CFAP299: variants seen among roughly 807,000 people sequenced by gnomAD.
CFAP299 encodes the protein cilia- and flagella-associated protein 299.
In CFAP299, 21 loss-of-function variants were observed where a neutral mutation model predicts 27.0. The observed-to-expected ratio is 0.78, with a 90% confidence interval of 0.55 to 1.12. CFAP299 has a LOEUF of 1.12. Among genes scored for constraint, CFAP299 ranks in the 50% most tolerant of loss-of-function variants. The probability of loss-of-function intolerance (pLI) is 0.00; values close to 1 mark genes in which losing one functional copy is unlikely to be tolerated. For missense variants in CFAP299, 310 were observed against 276.6 expected (o/e 1.12, Z -0.86); for synonymous variants, 104 against 98.1 (o/e 1.06, Z -0.36).
At chr4:80,891,346 G>A (rs922468272) in intron 4 of CFAP299, among the ~76,000 whole-genome samples, 8 of 151,554 alleles carry the variant, frequency 5.3e-5, no homozygotes, top group Non-Finnish European at 1.0e-4. Flanking sequence ...GTTTTTCTCA[G>A]GTTTGTCAAA....
intron 3 of CFAP299, among the ~76,000 whole-genome samples, chr4:80,670,503 C>G (rs1741413579): frequency 6.6e-6 from 1 of 152,128 alleles, no homozygotes; most frequent in Admixed American, 6.6e-5. Context: ...GGTATATACC[C>G]CGTAATGGGA....
intron 3 of CFAP299, among the ~76,000 whole-genome samples, chr4:80,681,330 G>A (rs923199581): frequency 6.6e-6 from 1 of 152,000 alleles, no homozygotes; most frequent in South Asian, 2.1e-4. Context: ...TGATGATGTG[G>A]AAGTTTAACG....
intron 2 of CFAP299, among the ~76,000 whole-genome samples, chr4:80,504,506 T>TATATATATATATATATATATA (rs57743936): frequency 7.9e-6 from 1 of 126,336 alleles, no homozygotes; most frequent in Non-Finnish European, 1.7e-5. Context: ...TATATATATA[T>TATATATATATATATATATATA]TTTCCTTTGA....
At chr4:80,573,590 T>A (rs1735702307) in intron 2 of CFAP299, among the ~76,000 whole-genome samples, 1 of 152,160 alleles carries the variant, frequency 6.6e-6, no homozygotes, top group African/African-American at 2.4e-5. Flanking sequence ...AGTTTCACAG[T>A]TTGAGGTCTT....
chr4:80,428,825 C>A (rs1013914370), intron 2 of CFAP299, among the ~76,000 whole-genome samples: 2 of 152,126 alleles, frequency 1.3e-5, no homozygotes, highest in Non-Finnish European at 2.9e-5. Context: ...AGGCGTGAGC[C>A]ACCACACCAG....
chr4:80,534,361 A>T (rs1346635012), intron 2 of CFAP299, among the ~76,000 whole-genome samples: 1 of 151,096 alleles, frequency 6.6e-6, no homozygotes, highest in Non-Finnish European at 1.5e-5. Flanking sequence ...TATATTTTTA[A>T]GGTTTGTAAA....
chr4:80,491,691 A>T (rs1224584573), intron 2 of CFAP299, among the ~76,000 whole-genome samples: 1 of 152,090 alleles, frequency 6.6e-6, no homozygotes, highest in Non-Finnish European at 1.5e-5. Context: ...AGAAATTCTC[A>T]TCAGATGGGT....
chr4:80,689,638 C>T (rs911186979), intron 3 of CFAP299, among the ~76,000 whole-genome samples: 12 of 152,104 alleles, frequency 7.9e-5, no homozygotes, highest in African/African-American at 2.9e-4. Context: ...CATCAACTAA[C>T]GAGCAAAATA....
At chr4:80,940,249 G>C (rs1019506881) in intron 4 of CFAP299, among the ~76,000 whole-genome samples, 2 of 152,062 alleles carry the variant, frequency 1.3e-5, no homozygotes, top group East Asian at 3.9e-4. Flanking sequence ...CTTCTTACCT[G>C]CTCCTAGTTC....
chr4:80,891,590 G>GA (rs1734277348), intron 4 of CFAP299, among the ~76,000 whole-genome samples: 1 of 92,504 alleles, frequency 1.1e-5, no homozygotes, highest in Middle Eastern at 5.3e-3. Flanking sequence ...ACAGGAAGGG[G>GA]AATATCACAC....
At chr4:80,378,570 T>G (rs1329340214) in intron 2 of CFAP299, among the ~76,000 whole-genome samples, 3 of 152,090 alleles carry the variant, frequency 2.0e-5, no homozygotes, top group African/African-American at 7.2e-5. Flanking sequence ...GTTTATCAGT[T>G]TGAGGAAGTC....
intron 2 of CFAP299, among the ~76,000 whole-genome samples, chr4:80,431,910 G>A (rs1247175577): frequency 6.6e-6 from 1 of 152,146 alleles, no homozygotes; most frequent in African/African-American, 2.4e-5. Flanking sequence ...TCTACTTCCT[G>A]TGATACTGTG....
chr4:80,852,468 G>A (rs1731581474), intron 3 of CFAP299, among the ~76,000 whole-genome samples: 2 of 152,074 alleles, frequency 1.3e-5, no homozygotes, highest in Admixed American at 1.3e-4. Context: ...GAATAATAAA[G>A]TAATAAGATA....
chr4:80,636,689 A>G (rs1739478080), intron 3 of CFAP299, among the ~76,000 whole-genome samples: 1 of 152,206 alleles, frequency 6.6e-6, no homozygotes. Flanking sequence ...ATAGAGCAGG[A>G]GCTGGCAAAC....
At chr4:80,736,467 GA>G (rs566738713) in intron 3 of CFAP299, among the ~76,000 whole-genome samples, 27 of 144,290 alleles carry the variant, frequency 1.9e-4, no homozygotes, top group East Asian at 8.2e-4. Context: ...AAATTTACAA[GA>G]AAAAAAAAAC....
chr4:80,395,168 C>T (rs1725711269), intron 2 of CFAP299, among the ~76,000 whole-genome samples: 1 of 151,754 alleles, frequency 6.6e-6, no homozygotes, highest in Admixed American at 6.6e-5. Flanking sequence ...ATTTTATTTT[C>T]ATGCTATTGT....
At chr4:80,459,437 T>C (rs1195818196) in intron 2 of CFAP299, among the ~76,000 whole-genome samples, 1 of 152,208 alleles carries the variant, frequency 6.6e-6, no homozygotes, top group Non-Finnish European at 1.5e-5. Flanking sequence ...GGTCAAACAG[T>C]GCACTTGATG....
intron 3 of CFAP299, among the ~76,000 whole-genome samples, chr4:80,712,137 T>G (rs1040234191): frequency 2.6e-5 from 4 of 152,178 alleles, no homozygotes; most frequent in African/African-American, 9.7e-5. Context: ...TGAGGTAAAC[T>G]TCTTGAAGGC....
the CFAP299 span, among the ~76,000 whole-genome samples, chr4:80,322,244 G>C: frequency 6.6e-6 from 1 of 152,282 alleles, no homozygotes; most frequent in South Asian, 2.1e-4. Flanking sequence ...CTGCAGCCGA[G>C]CTGCTAAATG....
Sources: allele counts gnomAD v4.1 joint callset (sites outside exome capture counted in the v4.1 genomes callset), GRCh38; gene constraint gnomAD v4.1.1; transcripts MANE v1.5; gene names NCBI Gene and HGNC (gene_info 2026-07-23, HGNC 2026-07-21).